Variants in SPAG16 observed in about 807,000 individuals in gnomAD.
SPAG16 encodes the protein sperm-associated antigen 16 protein.
A neutral mutation model predicts 80.4 loss-of-function variants in SPAG16; 86 were observed. The ratio of observed to expected loss-of-function variants is 1.07; its 90% CI spans 0.90 to 1.28. The LOEUF is 1.28. SPAG16 is among the 50% of genes most tolerant of loss of function. SPAG16 has a pLI of 0.00. For missense variants in SPAG16, 870 were observed against 765.3 expected (o/e 1.14, Z -1.61); for synonymous variants, 294 against 265.9 (o/e 1.11, Z -1.03).
At chr2:214,336,318 G>A (rs978837857) in intron 15 of SPAG16, among the ~76,000 whole-genome samples, 2 of 152,170 alleles carry the variant, frequency 1.3e-5, no homozygotes, top group Non-Finnish European at 2.9e-5. Context: ...ATCACCCTTT[G>A]GAGCATAATC....
At chr2:213,699,294 C>G (rs1353806514) in intron 10 of SPAG16, among the ~76,000 whole-genome samples, 1 of 152,148 alleles carries the variant, frequency 6.6e-6, no homozygotes, top group Non-Finnish European at 1.5e-5. Flanking sequence ...TTGCACATCT[C>G]AACAAATAGT....
chr2:214,033,656 C>G (rs1458451710), intron 13 of SPAG16, among the ~76,000 whole-genome samples: 1 of 149,398 alleles, frequency 6.7e-6, no homozygotes, highest in East Asian at 2.1e-4. Flanking sequence ...ACACTTCACC[C>G]AGATTTCCCA....
chr2:214,216,591 A>G (rs371226740), intron 15 of SPAG16, among the ~76,000 whole-genome samples: 16 of 152,234 alleles, frequency 1.1e-4, no homozygotes, highest in African/African-American at 3.4e-4. Context: ...AAGTGCTGGG[A>G]TTACAGGCGT....
Position 213,702,392 on chromosome 2 carries a change from C to A in SPAG16, c.1071-160093C>A, listed in dbSNP as rs1032932350. ...TAAATCTTGCTGCTGCTGTTTGGGT[C>A]CATGCAGCATTTATGAGCTGTAACA... is the stretch of plus-strand genomic sequence containing the variant. On this transcript the variant is annotated intron_variant, in intron 10 of 15. Coordinates refer to ENST00000331683, the MANE Select transcript of SPAG16 (RefSeq NM_024532.5). Among the ~76,000 whole-genome samples, 3 of 152,166 alleles carry A rather than the reference C, an allele frequency of 2.0e-5. No homozygotes were observed. The East Asian group carries it at 5.8e-4, about 29-fold the overall frequency.
intron 11 of SPAG16, among the ~76,000 whole-genome samples, chr2:213,882,228 T>G (rs1365243916): frequency 3.9e-5 from 6 of 152,190 alleles, no homozygotes; most frequent in African/African-American, 1.2e-4. Flanking sequence ...TGGATTCAGT[T>G]TGCTAGTATT....
intron 15 of SPAG16, among the ~76,000 whole-genome samples, chr2:214,354,142 T>TA (rs896164686): frequency 2.6e-5 from 4 of 151,794 alleles, no homozygotes; most frequent in African/African-American, 9.7e-5. Context: ...AAAATTAAAA[T>TA]AAAAAAATCA....
At chr2:213,386,910 C>G (rs1301180956) in intron 9 of SPAG16, among the ~76,000 whole-genome samples, 1 of 152,068 alleles carries the variant, frequency 6.6e-6, no homozygotes, top group Non-Finnish European at 1.5e-5. Flanking sequence ...AAATAAGAGC[C>G]ATTATGCAAT....
chr2:213,976,135 T>TATATACAC (rs749957411), intron 12 of SPAG16, among the ~76,000 whole-genome samples: 1,222 of 81,340 alleles, frequency 0.015, 22 homozygotes, highest in African/African-American at 0.043. Flanking sequence ...TATATATATA[T>TATATACAC]ACACACACAC....
intron 13 of SPAG16, among the ~76,000 whole-genome samples, chr2:214,063,842 T>C (rs781144348): frequency 5.9e-5 from 9 of 152,230 alleles, no homozygotes; most frequent in Non-Finnish European, 1.3e-4. Flanking sequence ...ATTACTTATT[T>C]ATAATGTTTA....
intron 9 of SPAG16, among the ~76,000 whole-genome samples, chr2:213,452,962 T>C (rs550672658): frequency 1.3e-5 from 2 of 152,346 alleles, no homozygotes; most frequent in South Asian, 4.1e-4. Flanking sequence ...TGAAGAGATC[T>C]TTTTGAATTA....
chr2:214,143,519 A>T (rs1042634658), intron 14 of SPAG16, among the ~76,000 whole-genome samples: 1 of 152,120 alleles, frequency 6.6e-6, no homozygotes, highest in Non-Finnish European at 1.5e-5. Context: ...CAGGTATGTT[A>T]TAAGTGATAA....
intron 10 of SPAG16, among the ~76,000 whole-genome samples, chr2:213,491,326 T>G (rs1367601358): frequency 1.3e-5 from 2 of 152,218 alleles, no homozygotes; most frequent in Admixed American, 6.5e-5. Context: ...CAATAATGCA[T>G]CTTCTACAAT....
At chr2:213,929,689 A>G (rs2078663531) in intron 11 of SPAG16, among the ~76,000 whole-genome samples, 1 of 152,216 alleles carries the variant, frequency 6.6e-6, no homozygotes, top group African/African-American at 2.4e-5. Flanking sequence ...CAAAAACACT[A>G]ATTTAGTGAA....
intron 11 of SPAG16, among the ~76,000 whole-genome samples, chr2:213,890,613 A>G (rs1177386251): frequency 7.0e-6 from 1 of 142,574 alleles, no homozygotes; most frequent in Non-Finnish European, 1.6e-5. Flanking sequence ...TTTGGTAGAC[A>G]GAAAGGATGG....
intron 10 of SPAG16, among the ~76,000 whole-genome samples, chr2:213,630,799 C>T (rs1459347900): frequency 6.6e-6 from 1 of 152,110 alleles, no homozygotes; most frequent in African/African-American, 2.4e-5. Context: ...AGAGCACTAC[C>T]ATACTCCTCA....
At position 214,340,261 on chromosome 2, in the gene SPAG16, C is replaced by A. The variant is rs918186557; in HGVS notation, c.1721-69879C>A. 2.6e-5 allele frequency among the ~76,000 whole-genome samples: 4 copies of A among 152,164 alleles called. No individual in the cohort carries two copies. In the East Asian group the frequency reaches 7.7e-4, roughly 29 times the overall value. Reference sequence around the variant, plus strand: ...CCAACCTCTTACTCCACATTCACAGCATATGGGAAGGGTACACACGTATAC... The same window carrying A: ...CCAACCTCTTACTCCACATTCACAGAATATGGGAAGGGTACACACGTATAC... On this transcript the variant is annotated intron_variant, in intron 15 of 15. Coordinates refer to ENST00000331683, the MANE Select transcript of SPAG16 (RefSeq NM_024532.5).
At chr2:213,920,658 G>A (rs2078176881) in intron 11 of SPAG16, among the ~76,000 whole-genome samples, 1 of 152,150 alleles carries the variant, frequency 6.6e-6, no homozygotes, top group African/African-American at 2.4e-5. Context: ...GCCAGGCTGG[G>A]GCCCTGGAAG....
chr2:213,565,057 T>C (rs2059716084), intron 10 of SPAG16, among the ~76,000 whole-genome samples: 1 of 152,224 alleles, frequency 6.6e-6, no homozygotes, highest in African/African-American at 2.4e-5. Context: ...AGTAATTTTC[T>C]TGAGAAGAGT....
chr2:213,830,323 C>T (rs2125714789), intron 10 of SPAG16, among the ~76,000 whole-genome samples: 1 of 152,290 alleles, frequency 6.6e-6, no homozygotes, highest in Middle Eastern at 3.4e-3. Flanking sequence ...CTAAAGCACA[C>T]AGATTCTCTA....
Sources: gnomAD v4.1 joint callset for allele counts (sites outside exome capture counted in the v4.1 genomes callset) on GRCh38, gnomAD v4.1.1 for gene constraint, MANE v1.5 for transcripts, NCBI Gene and HGNC (gene_info 2026-07-23, HGNC 2026-07-21) for gene names.